ARHGEF18: variants seen among roughly 807,000 people sequenced by gnomAD.
ARHGEF18 encodes Rho/Rac guanine nucleotide exchange factor 18, also known as rho guanine nucleotide exchange factor 18.
A neutral mutation model predicts 155.7 loss-of-function variants in ARHGEF18; 93 were observed. The observed-to-expected ratio is 0.60, with a 90% CI of 0.50 to 0.71. ARHGEF18 has a LOEUF of 0.71. Ranked by LOEUF, ARHGEF18 falls within the 30% of genes least tolerant of loss-of-function variation. The pLI, the probability that ARHGEF18 is intolerant of heterozygous loss-of-function variation, is 0.00. For missense variants in ARHGEF18, 1,593 were observed against 1,816.1 expected (o/e 0.88, Z 2.23); for synonymous variants, 742 against 753.1 (o/e 0.99, Z 0.24).
chr19:7,374,054 C>T (rs1048847971), intron 3 of ARHGEF18, among the ~76,000 whole-genome samples: 1 of 151,984 alleles, frequency 6.6e-6, no homozygotes, highest in Admixed American at 6.6e-5. Flanking sequence ...GTCACCATGC[C>T]GGGCCCCTGC....
intron 3 of ARHGEF18, among the ~76,000 whole-genome samples, chr19:7,375,352 G>C (rs1038223415): frequency 8.7e-6 from 1 of 115,378 alleles, no homozygotes; most frequent in African/African-American, 3.5e-5. Context: ...GAAAAAGAAA[G>C]AAAAGGAAGG....
intron 4 of ARHGEF18, among the ~76,000 whole-genome samples, chr19:7,376,376 T>C (rs1970462730): frequency 6.6e-6 from 1 of 151,980 alleles, no homozygotes; most frequent in African/African-American, 2.4e-5. Context: ...TTCCTGGCCA[T>C]TGTTGGAAGC....
chr19:7,468,683 T>C, intron 26 of ARHGEF18, 142 bp from the exon 27 acceptor site: 2 of 927,300 alleles, frequency 2.2e-6, no homozygotes, highest in Non-Finnish European at 3.2e-6. Context: ...GGACGGGCAA[T>C]GACCAGCAGC....
chr19:7,425,439 T>C (rs1000257772), intron 10 of ARHGEF18, among the ~76,000 whole-genome samples: 1 of 151,766 alleles, frequency 6.6e-6, no homozygotes, highest in Non-Finnish European at 1.5e-5. Context: ...ATCCCAGCAA[T>C]TGGAGAGGGT....
intron 18 of ARHGEF18, among the ~76,000 whole-genome samples, chr19:7,458,296 T>TAA (rs1568356963): frequency 2.3e-3 from 257 of 109,990 alleles, no homozygotes; most frequent in Non-Finnish European, 3.3e-3. Flanking sequence ...CCAAGATAGT[T>TAA]TAAAAAAAAA....
rs903521309 is a variant in ARHGEF18 at position 7,471,091 on chromosome 19, T to C, written c.*793T>C. On this transcript the variant is annotated 3_prime_UTR_variant, in exon 29 of 29. Coordinates refer to ENST00000668164, the MANE Select transcript of ARHGEF18 (RefSeq NM_001367823.1). The surrounding 1 kb of genome is among the most constrained non-coding windows in gnomAD (Gnocchi z 4.4). ...CGTTGCTGTTCACACGCTCAGCCTG[T>C]CTGGGGGAGCGGGCCTCTAGCTTCA... 17 of 332,992 alleles carry C rather than the reference T, an allele frequency of 5.1e-5. 1 individual carries two copies. The highest frequency in any genetic ancestry group is 1.7e-4 in the African/African-American group (8 of 46,902). 20.6% of individuals were successfully genotyped at this position (332,992 alleles called of 1,614,324 possible). A position where few individuals can be genotyped will look rare whatever the true frequency, so the allele number is the denominator to read the frequency against.
chr19:7,383,068 A>G lies in ARHGEF18; in HGVS notation c.832A>G (p.Ser278Gly), dbSNP rs1433773285. The part of the protein sequence containing the change: ...RVTRQKEKGK[S>G]PAHLKDKGQD... The stretch of plus-strand genomic sequence containing the variant: ...CCACCTCTGTCCCATCCAGGGGAAG[A>G]GCCCAGCACATCTGAAGGACAAGGG... The change falls in exon 10 of 29, where the codon AGC (serine) becomes GGC (glycine). Residue 278 changes from serine to glycine, a missense_variant. Ser to Gly is a moderately conservative substitution (Grantham distance 56). Coordinates refer to ENST00000668164, the MANE Select transcript of ARHGEF18 (RefSeq NM_001367823.1). The G allele has an allele frequency of 3.2e-6, 4 of 1,232,240 alleles. No individual in the cohort carries two copies. Among genetic ancestry groups the G allele is most frequent in the Non-Finnish European group, 4.0e-6 (4 of 988,148 alleles). 76.3% of individuals were successfully genotyped at this position (1,232,240 alleles called of 1,614,324 possible).
intron 10 of ARHGEF18, among the ~76,000 whole-genome samples, chr19:7,400,323 A>C (rs1204657725): frequency 6.6e-6 from 1 of 152,062 alleles, no homozygotes; most frequent in Non-Finnish European, 1.5e-5. Flanking sequence ...AGGACATCTT[A>C]TTATTTTTTT....
chr19:7,375,287 AAG>A (rs1301215707), intron 3 of ARHGEF18, among the ~76,000 whole-genome samples: 68 of 99,376 alleles, frequency 6.8e-4, no homozygotes, highest in South Asian at 1.6e-3. Context: ...AAAAAAAAGA[AAG>A]AAAAGAAAGA....
At chr19:7,378,548 C>A in intron 6 of ARHGEF18, 97 bp downstream of exon 6, 3 of 970,498 alleles carry the variant, frequency 3.1e-6, no homozygotes, top group Non-Finnish European at 4.0e-6. Flanking sequence ...GTGTTGCTGG[C>A]CATAAGTGAC....
chr19:7,428,526 T>A (rs79511441), intron 10 of ARHGEF18, among the ~76,000 whole-genome samples: 1 of 150,196 alleles, frequency 6.7e-6, no homozygotes, highest in South Asian at 2.1e-4. Context: ...CTGAAGAGAT[T>A]TTTTTTTTTA....
intron 3 of ARHGEF18, among the ~76,000 whole-genome samples, chr19:7,373,369 C>T (rs79555217): frequency 0.1 from 15,900 of 151,962 alleles, 2,375 homozygotes; most frequent in African/African-American, 0.32. Flanking sequence ...AGTGGGAGCC[C>T]CGAGCTTGTT....
intron 10 of ARHGEF18, among the ~76,000 whole-genome samples, chr19:7,415,742 C>A (rs1034071705): frequency 1.3e-4 from 20 of 152,190 alleles, no homozygotes; most frequent in African/African-American, 4.1e-4. Context: ...CAGAGACCCG[C>A]AGCTCCTGGA....
chr19:7,387,709 G>A (rs972061784), intron 10 of ARHGEF18, among the ~76,000 whole-genome samples: 3 of 151,980 alleles, frequency 2.0e-5, no homozygotes, highest in Non-Finnish European at 4.4e-5. Flanking sequence ...TCGCTCTGTC[G>A]CCCACGCCAG....
intron 10 of ARHGEF18, among the ~76,000 whole-genome samples, chr19:7,438,743 T>G (rs1425346004): frequency 1.3e-5 from 2 of 152,142 alleles, no homozygotes; most frequent in African/African-American, 4.8e-5. Flanking sequence ...CTCTTTGTCC[T>G]TACCTGGGCA....
chr19:7,464,533 C>G, intron 22 of ARHGEF18, 27 bp from the exon 23 acceptor site: 1 of 1,598,496 alleles, frequency 6.3e-7, no homozygotes, highest in East Asian at 2.2e-5. Context: ...TGGCAGCATC[C>G]TCATGCCCCT....
At position 7,467,647 on chromosome 19, in the gene ARHGEF18, C is replaced by A. The variant is rs1415414578; in HGVS notation, c.3443C>A (p.Thr1148Asn). Reference protein sequence around the residue: ...ELLRRLKKQNTAPGALPPDTL... With the variant: ...ELLRRLKKQNNAPGALPPDTL... ...CTGCGCCGCCTCAAGAAGCAGAACA[C>A]CGCGCCAGGCGCGCTGCCGCCCGAC... is the stretch of plus-strand genomic sequence containing the variant. The change falls in exon 26 of 29, where the codon ACC (threonine) becomes AAC (asparagine). Residue 1148 changes from threonine to asparagine, a missense_variant. Thr to Asn is a moderately conservative substitution (Grantham distance 65). Transcript: ENST00000668164. 1 of 1,516,086 alleles carries A rather than the reference C, an allele frequency of 6.6e-7. No homozygotes were observed. The highest frequency in any genetic ancestry group is 2.6e-5 in the East Asian group (1 of 39,114). 93.9% of individuals were successfully genotyped at this position (1,516,086 alleles called of 1,614,324 possible).
At chr19:7,420,541 C>T (rs541069276) in intron 10 of ARHGEF18, among the ~76,000 whole-genome samples, 3 of 152,214 alleles carry the variant, frequency 2.0e-5, no homozygotes, top group Non-Finnish European at 4.4e-5. Flanking sequence ...GCGTGAGCCC[C>T]CACGCCGGGC....
rs1399637838 is a variant in ARHGEF18, at chr19:7,462,515, G to T, written c.2635+181G>T. Among the ~76,000 whole-genome samples, 1 of 152,178 alleles carries T rather than the reference G, an allele frequency of 6.6e-6. No homozygotes were observed. The highest frequency in any genetic ancestry group is 1.5e-5 in the Non-Finnish European group (1 of 68,030). On this transcript the variant is annotated intron_variant, in intron 21 of 28. Coordinates refer to ENST00000668164, the MANE Select transcript of ARHGEF18 (RefSeq NM_001367823.1). The surrounding 1 kb of genome is among the most constrained non-coding windows in gnomAD (Gnocchi z 4.4). ...CCCGGTGCCTGTGAGAGCCAGAAGGGCCTTAGACATAATCTGGGCCAAGCC... is the reference window on the plus strand; with the variant it reads ...CCCGGTGCCTGTGAGAGCCAGAAGGTCCTTAGACATAATCTGGGCCAAGCC...
Sources: allele counts gnomAD v4.1 joint callset (sites outside exome capture counted in the v4.1 genomes callset), GRCh38; gene constraint gnomAD v4.1.1; non-coding constraint Gnocchi (gnomAD v3.1); transcripts MANE v1.5; gene names NCBI Gene and HGNC (gene_info 2026-07-23, HGNC 2026-07-21).